The following PACS1 variants were observed in gnomAD, a reference collection of about 807,000 sequenced individuals.
The protein encoded by PACS1 is phosphofurin acidic cluster sorting protein 1, also known as PACS-1.
Under a neutral mutation model 115.0 loss-of-function variants are expected in PACS1, and 24 were observed. That is an observed-to-expected ratio of 0.21 (90% confidence interval 0.15 to 0.29). PACS1 has a LOEUF of 0.29. Ranked by LOEUF, PACS1 falls within the 10% of genes least tolerant of loss-of-function variation. The pLI is 1.00. For missense variants in PACS1, 838 were observed against 1,251.2 expected, an observed-to-expected ratio of 0.67 and a Z score of 4.98; for synonymous variants, 453 against 504.5, an observed-to-expected ratio of 0.90 and a Z score of 1.37.
chr11:66,095,412 CAG>C (rs774293280), intron 1 of PACS1, among the ~76,000 whole-genome samples: 17 of 152,274 alleles, frequency 1.1e-4, no homozygotes, highest in Non-Finnish European at 1.2e-4. Flanking sequence ...AACAGACAAA[CAG>C]AGAGCCAAAT....
intron 1 of PACS1, among the ~76,000 whole-genome samples, chr11:66,168,946 A>G (rs1260475765): frequency 6.6e-6 from 1 of 150,578 alleles, no homozygotes; most frequent in Non-Finnish European, 1.5e-5. Flanking sequence ...TCATAAATCA[A>G]CCTGCAGATA....
chr11:66,221,033 A>G, intron 9 of PACS1, 121 bp from the exon 10 acceptor site: 1 of 989,970 alleles, frequency 1.0e-6, no homozygotes, highest in Non-Finnish European at 1.6e-6. Context: ...TTCCCTGCTC[A>G]CCGGGCGTTC....
At chr11:66,128,127 T>C (rs896896242) in intron 1 of PACS1, among the ~76,000 whole-genome samples, 1 of 152,064 alleles carries the variant, frequency 6.6e-6, no homozygotes, top group Admixed American at 6.6e-5. Flanking sequence ...AAGAGATGAA[T>C]GAACCAATAG....
intron 1 of PACS1, among the ~76,000 whole-genome samples, chr11:66,170,837 G>GCCA (rs1406274613): frequency 2.7e-5 from 4 of 147,504 alleles, no homozygotes; most frequent in Non-Finnish European, 5.9e-5. Flanking sequence ...AGCTACTTGG[G>GCCA]AGGCAGAGAT....
intron 2 of PACS1, among the ~76,000 whole-genome samples, chr11:66,194,410 A>G (rs1193161291): frequency 2.6e-5 from 4 of 152,234 alleles, no homozygotes; most frequent in Non-Finnish European, 5.9e-5. Flanking sequence ...GACCCAAAAT[A>G]TTTCACAAAC....
chr11:66,104,677 T>C (rs1256858085), intron 1 of PACS1, among the ~76,000 whole-genome samples: 3 of 152,148 alleles, frequency 2.0e-5, no homozygotes, highest in Non-Finnish European at 2.9e-5. Context: ...GTAGAGTATA[T>C]GGATTAGAAA....
At chr11:66,082,153 G>A (rs1239030136) in intron 1 of PACS1, among the ~76,000 whole-genome samples, 1 of 152,156 alleles carries the variant, frequency 6.6e-6, no homozygotes, top group Non-Finnish European at 1.5e-5. Context: ...GATTCTCATG[G>A]TAAACATCAG....
At chr11:66,216,427 C>A in intron 5 of PACS1, 93 bp from the exon 6 acceptor site, 2 of 1,430,170 alleles carry the variant, frequency 1.4e-6, no homozygotes, top group Non-Finnish European at 2.0e-6. Flanking sequence ...GGCTGTGTTT[C>A]CACCCAAAGA....
At chr11:66,216,388 G>T (rs1056194855) in intron 5 of PACS1, 125 bp downstream of exon 5, 2 of 1,420,126 alleles carry the variant, frequency 1.4e-6, no homozygotes, top group Non-Finnish European at 9.8e-7. Context: ...GTAAAATGTG[G>T]CTTCGGCCCT....
chr11:66,202,737 AAAAAAATATATATATATATATATAT>A (rs1565145165), intron 2 of PACS1, among the ~76,000 whole-genome samples: 1 of 67,842 alleles, frequency 1.5e-5, no homozygotes, highest in East Asian at 3.8e-4. Context: ...AAAAAAAAAA[AAAAAAATATATATATATATATATAT>A]ATATATATAT....
At chr11:66,177,799 A>G (rs780479733) in intron 1 of PACS1, among the ~76,000 whole-genome samples, 2 of 152,030 alleles carry the variant, frequency 1.3e-5, no homozygotes, top group Non-Finnish European at 2.9e-5. Flanking sequence ...TTTTTTGTAG[A>G]CACGGGGTCT....
intron 2 of PACS1, among the ~76,000 whole-genome samples, chr11:66,206,208 T>G (rs996151662): frequency 4.5e-4 from 69 of 152,202 alleles, no homozygotes; most frequent in Non-Finnish European, 8.4e-4. Flanking sequence ...TATTGGATAT[T>G]TTAATGTGCT....
chr11:66,144,420 C>A (rs1041741667), intron 1 of PACS1, among the ~76,000 whole-genome samples: 1 of 152,156 alleles, frequency 6.6e-6, no homozygotes, highest in Non-Finnish European at 1.5e-5. Flanking sequence ...ACATAGAAGG[C>A]TATCAGGGCT....
At chr11:66,115,477 C>T (rs897669098) in intron 1 of PACS1, among the ~76,000 whole-genome samples, 1 of 152,202 alleles carries the variant, frequency 6.6e-6, no homozygotes, top group African/African-American at 2.4e-5. Context: ...ACCTGTCTTT[C>T]CATCTCCTTG....
rs1280957821 is a variant in PACS1 at position 66,070,632 on chromosome 11, A to C, written c.146A>C (p.Lys49Thr). The change falls in exon 1 of 24, where the codon AAG (lysine) becomes ACG (threonine). Residue 49 changes from lysine (K) to threonine (T), a missense_variant. Transcript: ENST00000320580. This position sits in a 1 kb window ranked among gnomAD's most constrained non-coding sequence, Gnocchi z 5.9. Reference sequence around the variant, plus strand: ...CCGCCGCAGCAGCCGACGCCCCCCAAGCTGGCCCAGGCCACCTCGTCGTCC... The same window carrying C: ...CCGCCGCAGCAGCCGACGCCCCCCACGCTGGCCCAGGCCACCTCGTCGTCC... ...QQPPQQPTPP[K>T]LAQATSSSSS... 6.5e-7 allele frequency: 1 copy of C among 1,550,092 alleles called. No homozygotes were observed. Among genetic ancestry groups the C allele is most frequent in the Non-Finnish European group, 8.7e-7 (1 of 1,155,696 alleles).
chr11:66,194,307 T>A (rs1238734570), intron 2 of PACS1, among the ~76,000 whole-genome samples: 1 of 152,152 alleles, frequency 6.6e-6, no homozygotes, highest in African/African-American at 2.4e-5. Context: ...ACTTACAGAT[T>A]GTTATTTCAG....
intron 20 of PACS1, 143 bp downstream of exon 20, chr11:66,238,989 C>T: frequency 7.2e-7 from 1 of 1,380,426 alleles, no homozygotes; most frequent in Admixed American, 2.0e-5. Context: ...GCCCTCACTC[C>T]CCTGCTGCGG....
intron 10 of PACS1, chr11:66,221,588 G>A (rs1855348514): frequency 5.0e-6 from 1 of 199,396 alleles, no homozygotes; most frequent in Admixed American, 5.5e-5. Context: ...GGAGGTTGCA[G>A]TGAGCCAAGA....
In PACS1 at chr11:66,217,254, C is replaced by T. The variant is rs1471091767; in HGVS notation, c.978+479C>T. 1.4e-5 allele frequency: 4 copies of T among 293,738 alleles called. No homozygotes were observed. The East Asian group carries it at 4.1e-4, about 30-fold the overall frequency. The allele number at this position is 293,738 out of a possible 1,614,324, so 18.2% of individuals were successfully genotyped here. A position where few individuals can be genotyped will look rare whatever the true frequency, so the allele number is the denominator to read the frequency against. On this transcript the variant is annotated intron_variant, in intron 7 of 23. Transcript: ENST00000320580. ...GCTTTAATTACATCAGATATCGTTC[C>T]TGCCTTAACGGATCCATAACCTTGG... is the stretch of plus-strand genomic sequence containing the variant.
Sources: gnomAD v4.1 joint callset for allele counts (sites outside exome capture counted in the v4.1 genomes callset) on GRCh38, gnomAD v4.1.1 for gene constraint, Gnocchi (gnomAD v3.1) non-coding constraint, MANE v1.5 for transcripts, NCBI Gene and HGNC (gene_info 2026-07-23, HGNC 2026-07-21) for gene names.